ATP7B: variants seen among roughly 807,000 people sequenced by gnomAD.
ATP7B encodes the protein copper-transporting ATPase 2.
A neutral mutation model predicts 118.9 loss-of-function variants in ATP7B; 113 were observed. The observed-to-expected ratio is 0.95, with a 90% CI of 0.82 to 1.11. The LOEUF is 1.11. Among genes scored for constraint, ATP7B ranks in the 50% most tolerant of loss-of-function variants. The pLI is 0.00. For synonymous variants in ATP7B, 777 were observed against 727.4 expected (o/e 1.07, Z -1.10); for missense variants, 1,867 against 1,871.4 (o/e 1.00, Z 0.04).
At chr13:52,005,939 G>C (rs1295781859) in intron 1 of ATP7B, among the ~76,000 whole-genome samples, 2 of 152,058 alleles carry the variant, frequency 1.3e-5, no homozygotes, top group Non-Finnish European at 2.9e-5. Flanking sequence ...GGAAGGTTGT[G>C]GGTTTACTGG....
In ATP7B at chr13:51,934,755, A is replaced by G. The variant is rs757263140; in HGVS notation, c.*1T>C. The G allele has an allele frequency of 6.2e-7, 1 of 1,613,414 alleles. No homozygotes were observed. The highest frequency in any genetic ancestry group is 2.2e-5 in the East Asian group (1 of 44,900). The stretch of plus-strand genomic sequence containing the variant: ...TGCCCCGGCCCGCCTGCCTGAAGTC[A>G]TCAGATGTACTGCTCCTCATCCCTG... On this transcript the variant is annotated 3_prime_UTR_variant, in exon 21 of 21. Transcript: ENST00000242839.
intron 1 of ATP7B, among the ~76,000 whole-genome samples, chr13:51,985,286 G>C (rs536279287): frequency 2.6e-5 from 4 of 152,286 alleles, no homozygotes; most frequent in South Asian, 4.1e-4. Context: ...TGATAAAACA[G>C]ACTTTAAACC....
At position 51,946,437 on chromosome 13, in the gene ATP7B, C is replaced by T. The variant is rs749689127; in HGVS notation, c.2907G>A (p.Arg969=). The T allele has an allele frequency of 6.2e-7, 1 of 1,614,218 alleles. No individual in the cohort carries two copies. ...CCGTGATGGACGTCTGGAAAGCAAA[C>T]CGGATGATCACCTCTGTCTGGGAGA... ...KHISQTEVII[R]FAFQTSITVL... The change falls in exon 13 of 21, where the codon CGG becomes CGA. Residue 969 remains arginine (R), a synonymous_variant. Transcript: ENST00000242839.
At chr13:51,969,118 C>T (rs768797978) in intron 3 of ATP7B, among the ~76,000 whole-genome samples, 1 of 150,990 alleles carries the variant, frequency 6.6e-6, no homozygotes, top group Non-Finnish European at 1.5e-5. Flanking sequence ...CTTGGCCTCC[C>T]AAGGCATCAT....
At chr13:51,983,921 A>G (rs1366285749) in intron 1 of ATP7B, among the ~76,000 whole-genome samples, 1 of 152,194 alleles carries the variant, frequency 6.6e-6, no homozygotes, top group Non-Finnish European at 1.5e-5. Flanking sequence ...CCAACATCAA[A>G]AAGCAAAGGT....
At chr13:51,972,353 C>T (rs1324969679) in intron 2 of ATP7B, among the ~76,000 whole-genome samples, 6 of 152,150 alleles carry the variant, frequency 3.9e-5, no homozygotes, top group African/African-American at 1.4e-4. Context: ...CCTCCTCCTC[C>T]CTCTAATTCT....
intron 4 of ATP7B, among the ~76,000 whole-genome samples, chr13:51,965,767 G>A (rs1351710791): frequency 6.6e-6 from 1 of 152,236 alleles, no homozygotes; most frequent in Non-Finnish European, 1.5e-5. Flanking sequence ...TCCACAGCCT[G>A]AAGGCTCTCA....
intron 1 of ATP7B, among the ~76,000 whole-genome samples, chr13:52,008,244 G>A (rs1953869035): frequency 6.6e-6 from 1 of 152,320 alleles, no homozygotes; most frequent in South Asian, 2.1e-4. Context: ...GGAGGCTGAG[G>A]CCGGAGAATC....
At chr13:51,938,726 A>G (rs1229439737) in intron 17 of ATP7B, among the ~76,000 whole-genome samples, 3 of 152,196 alleles carry the variant, frequency 2.0e-5, no homozygotes, top group African/African-American at 7.2e-5. Flanking sequence ...TCTTCCCTTA[A>G]CATAAAGGTT....
upstream of ATP7B, chr13:52,012,032 T>A: frequency 2.6e-6 from 1 of 390,326 alleles, no homozygotes; most frequent in South Asian, 2.5e-5. Context: ...GGAAAATCGA[T>A]CCGCTGTGCG....
chr13:52,011,580 G>A, upstream of ATP7B: 1 of 616,734 alleles, frequency 1.6e-6, no homozygotes, highest in African/African-American at 1.8e-5. Context: ...CCCGACCTGG[G>A]GGCACGGGGA....
In ATP7B at chr13:51,944,276, A is replaced by G. The variant is rs1228090796; in HGVS notation, c.3076T>C (p.Phe1026Leu). Reference protein sequence around the residue: ...EMAHKIKTVMFDKTGTITHGV... With the variant: ...EMAHKIKTVMLDKTGTITHGV... ...TGGGTAATGGTGCCAGTCTTGTCAA[A>G]CATCACAGTCTTTATCTGCCAAAAA... Residue 1026 changes from phenylalanine (F) to leucine (L), a missense_variant, in exon 14 of 21, where the codon TTT becomes CTT. Phe to Leu is a conservative substitution (Grantham distance 22, BLOSUM62 0). Coordinates refer to ENST00000242839, the MANE Select transcript of ATP7B (RefSeq NM_000053.4). 1.2e-6 allele frequency: 2 copies of G among 1,613,864 alleles called. No individual in the cohort carries two copies. The highest frequency in any genetic ancestry group is 1.7e-6 in the Non-Finnish European group (2 of 1,180,012).
chr13:52,004,354 T>C (rs1193520841), intron 1 of ATP7B, among the ~76,000 whole-genome samples: 1 of 152,248 alleles, frequency 6.6e-6, no homozygotes, highest in Non-Finnish European at 1.5e-5. Flanking sequence ...ACAACTGTTT[T>C]AGGCCATGAG....
intron 9 of ATP7B, among the ~76,000 whole-genome samples, chr13:51,951,678 A>G (rs1046106559): frequency 6.6e-6 from 1 of 152,180 alleles, no homozygotes; most frequent in African/African-American, 2.4e-5. Flanking sequence ...GTGACACAGG[A>G]GGAAAATGAG....
chr13:51,958,695 A>T, intron 7 of ATP7B, 151 bp from the exon 8 acceptor site: 1 of 717,606 alleles, frequency 1.4e-6, no homozygotes, highest in Non-Finnish European at 2.5e-6. Context: ...TTTATGAAAT[A>T]TACTTTCCCA....
chr13:51,951,484 A>G lies in ATP7B; in HGVS notation c.2448-1085T>C, dbSNP rs543111637. ...TAGGGAGCTGAAAATATGAGTCTGA[A>G]GTGGAAAGAAGAGGTCAGAGGTAGA... On this transcript the variant is annotated intron_variant, in intron 9 of 20. Coordinates refer to ENST00000242839, the MANE Select transcript of ATP7B (RefSeq NM_000053.4). Among the ~76,000 whole-genome samples, 22 of 152,262 alleles carry G rather than the reference A, an allele frequency of 1.4e-4. No individual in the cohort carries two copies. In the South Asian group the frequency reaches 4.6e-3, roughly 32 times the overall value.
At position 51,933,496 on chromosome 13, in the gene ATP7B, T is replaced by C. The variant is rs539716846; in HGVS notation, c.*1260A>G. 61 of 152,344 alleles carry C rather than the reference T, an allele frequency of 4.0e-4. No homozygotes were observed. Among genetic ancestry groups the C allele is most frequent in the African/African-American group, 1.3e-3 (55 of 41,574 alleles). The allele number at this position is 152,344 out of a possible 1,614,324, so 9.4% of individuals were successfully genotyped here. A position where few individuals can be genotyped will look rare whatever the true frequency, so the allele number is the denominator to read the frequency against. On this transcript the variant is annotated 3_prime_UTR_variant, in exon 21 of 21. Coordinates refer to ENST00000242839, the MANE Select transcript of ATP7B (RefSeq NM_000053.4). ...AGAATTTAATCCAACTCTACTAGTTTGCTCCCAAAGGGTTCTGTCAATCAC... is the reference window on the plus strand; with the variant it reads ...AGAATTTAATCCAACTCTACTAGTTCGCTCCCAAAGGGTTCTGTCAATCAC...
rs1953922165 is a variant in ATP7B at position 52,009,424 on chromosome 13, C to T, written c.51+1863G>A. 2.0e-5 allele frequency among the ~76,000 whole-genome samples: 3 copies of T among 152,282 alleles called. 1 individual carries two copies. In the South Asian group the frequency reaches 6.2e-4, roughly 32 times the overall value. The stretch of plus-strand genomic sequence containing the variant: ...CCTGTGAGGTTTCATCTACATAAGA[C>T]CACCTTTGCTAGCCAGGTCTCCTCT... On this transcript the variant is annotated intron_variant, in intron 1 of 20. Coordinates refer to ENST00000242839, the MANE Select transcript of ATP7B (RefSeq NM_000053.4).
intron 4 of ATP7B, among the ~76,000 whole-genome samples, chr13:51,965,488 A>G (rs566220468): frequency 6.6e-6 from 1 of 152,242 alleles, no homozygotes; most frequent in African/African-American, 2.4e-5. Context: ...CATCCTCCCT[A>G]TTTTAGTGCT....
Sources: gnomAD v4.1 joint callset for allele counts (sites outside exome capture counted in the v4.1 genomes callset) on GRCh38, gnomAD v4.1.1 for gene constraint, MANE v1.5 for transcripts, NCBI Gene and HGNC (gene_info 2026-07-23, HGNC 2026-07-21) for gene names.